The following PDE4A variants were observed in gnomAD, a reference collection of about 807,000 sequenced individuals.
PDE4A encodes the protein 3',5'-cyclic-AMP phosphodiesterase 4A.
A neutral mutation model predicts 73.9 loss-of-function variants in PDE4A; 21 were observed. The observed-to-expected ratio is 0.28, with a 90% confidence interval of 0.20 to 0.41. The LOEUF (loss-of-function observed/expected upper bound fraction) is 0.41. PDE4A is among the 10% of genes least tolerant of loss of function. PDE4A has a pLI of 1.00. For synonymous variants in PDE4A, 463 were observed against 505.4 expected, an observed-to-expected ratio of 0.92 and a Z score of 1.13; for missense variants, 958 against 1,211.4, an observed-to-expected ratio of 0.79 and a Z score of 3.10.
intron 1 of PDE4A, among the ~76,000 whole-genome samples, chr19:10,438,268 A>G (rs1048649132): frequency 7.9e-5 from 12 of 151,614 alleles, no homozygotes; most frequent in African/African-American, 2.9e-4. Flanking sequence ...ACGCACCACC[A>G]CACCCAGCTA....
intron 13 of PDE4A, 55 bp from the exon 14 acceptor site, chr19:10,463,738 G>A (rs58581831): frequency 6.3e-7 from 1 of 1,599,642 alleles, no homozygotes; most frequent in South Asian, 1.1e-5. Context: ...TGAGGTCTCA[G>A]ACTGGGACAC....
upstream of PDE4A, chr19:10,416,912 C>T: frequency 6.5e-7 from 1 of 1,537,686 alleles, no homozygotes; most frequent in Non-Finnish European, 8.7e-7. Context: ...ACATGGCCAC[C>T]GCAGTCCCAA....
intron 1 of PDE4A, chr19:10,432,468 C>T (rs1396595562): frequency 9.4e-6 from 14 of 1,494,540 alleles, no homozygotes; most frequent in Admixed American, 2.4e-5. Flanking sequence ...GGCCCGGCCC[C>T]GGCCCCCTGC....
intron 2 of PDE4A, among the ~76,000 whole-genome samples, chr19:10,447,659 C>T (rs2043028599): frequency 6.6e-6 from 1 of 152,018 alleles, no homozygotes; most frequent in African/African-American, 2.4e-5. Flanking sequence ...ATGAGCCACC[C>T]TGCCCGCCCT....
rs1431754447 is a variant in PDE4A, at chr19:10,466,946, C to T, written c.1986C>T (p.His662=). 8.7e-6 allele frequency: 14 copies of T among 1,614,156 alleles called. No homozygotes were observed. Among genetic ancestry groups the T allele is most frequent in the Non-Finnish European group, 1.2e-5 (14 of 1,180,028 alleles). The part of the protein sequence containing the change: ...PLWETWADLV[H]PDAQEILDTL... ...GGGAGACCTGGGCGGACCTTGTCCA[C>T]CCAGATGCCCAGGAGATCTTGGACA... Residue 662 remains histidine (H), a synonymous_variant, in exon 15 of 15, where the codon CAC becomes CAT. Coordinates refer to ENST00000380702, the MANE Select transcript of PDE4A (RefSeq NM_001111307.2).
chr19:10,459,599 G>A lies in PDE4A; in HGVS notation c.1205G>A (p.Arg402Gln), dbSNP rs201529049. The change falls in exon 10 of 15, where the codon CGG becomes CAG. Residue 402 changes from arginine (R) to glutamine (Q), a missense_variant. Arg to Gln is a conservative substitution (Grantham distance 43). Around this residue, in one of 3 missense-constraint regions of PDE4A, gnomAD observed 570 missense variants for 827.7 expected, o/e 0.69. Transcript: ENST00000380702. Reference sequence around the variant, plus strand: ...CCTGCCCCTGCCTGCTCTCAGGAGCGGGACCTGCTGAAGAAATTCCGCATC... The same window carrying A: ...CCTGCCCCTGCCTGCTCTCAGGAGCAGGACCTGCTGAAGAAATTCCGCATC... ...TCIMYMIFQE[R>Q]DLLKKFRIPV... 45 of 1,613,802 alleles carry A rather than the reference G, an allele frequency of 2.8e-5. No homozygotes were observed. Among genetic ancestry groups the A allele is most frequent in the African/African-American group, 4.0e-5 (3 of 74,928 alleles).
At position 10,450,645 on chromosome 19, in the gene PDE4A, G is replaced by C. The variant is rs767593480; in HGVS notation, c.663G>C (p.Thr221=). 6.2e-7 allele frequency: 1 copy of C among 1,609,290 alleles called. No homozygotes were observed. Among genetic ancestry groups the C allele is most frequent in the African/African-American group, 1.3e-5 (1 of 74,766 alleles). ...LGGPTPVCKA[T]LSEETCQQLA... ...GCCCCACCCCTGTCTGCAAGGCCAC[G>C]CTGTCAGGTAGCTAAGCCCAGAGGG... Residue 221 remains threonine, a synonymous_variant, in exon 5 of 15, where the codon ACG becomes ACC. Transcript: ENST00000380702.
Position 10,446,371 on chromosome 19 carries a change from C to T in PDE4A, c.474C>T (p.Pro158=). ...CAGACAGCGACTATGACATGTCACC[C>T]AAGACCATGTCCCGGAACTCATCGG... ...YRSDSDYDMS[P]KTMSRNSSVT... is the part of the protein sequence containing the mutation. Residue 158 remains proline, a synonymous_variant, in exon 2 of 15, where the codon CCC becomes CCT. Transcript: ENST00000380702. 6.2e-7 allele frequency: 1 copy of T among 1,613,594 alleles called. No individual in the cohort carries two copies. Among genetic ancestry groups the T allele is most frequent in the Non-Finnish European group, 8.5e-7 (1 of 1,179,536 alleles).
chr19:10,465,764 G>A (rs1311787839), intron 14 of PDE4A, among the ~76,000 whole-genome samples: 8 of 116,240 alleles, frequency 6.9e-5, no homozygotes, highest in Admixed American at 1.1e-4. Context: ...GCAATGGCGC[G>A]ATCTTGGCTC....
intron 1 of PDE4A, chr19:10,427,651 G>A (rs1406744684): frequency 3.1e-6 from 3 of 981,736 alleles, no homozygotes; most frequent in Non-Finnish European, 3.6e-6. Context: ...AAGCCAGACA[G>A]CTGGGTCCAT....
chr19:10,450,668 G>A lies in PDE4A; in HGVS notation c.670+16G>A, dbSNP rs201518579. On this transcript the variant is annotated intron_variant, in intron 5 of 14. Coordinates refer to ENST00000380702, the MANE Select transcript of PDE4A (RefSeq NM_001111307.2). Reference sequence around the variant, plus strand: ...ACGCTGTCAGGTAGCTAAGCCCAGAGGGGTGGGAAGGGGCCCCCCTTGCTG... The same window carrying A: ...ACGCTGTCAGGTAGCTAAGCCCAGAAGGGTGGGAAGGGGCCCCCCTTGCTG... 186 of 1,601,396 alleles carry A rather than the reference G, an allele frequency of 1.2e-4. No individual in the cohort carries two copies. The highest frequency in any genetic ancestry group is 1.6e-4 in the Non-Finnish European group (184 of 1,174,926).
Position 10,461,584 on chromosome 19 carries a change from C to T in PDE4A, c.1524C>T (p.Ala508=). The change falls in exon 12 of 15, where the codon GCC becomes GCT. Residue 508 remains alanine (A), a synonymous_variant. Coordinates refer to ENST00000380702, the MANE Select transcript of PDE4A (RefSeq NM_001111307.2). ...DESVLENHHL[A]VGFKLLQEDN... ...CGGTGCTCGAGAATCACCACCTGGC[C>T]GTGGGCTTCAAGCTGCTGCAGGAGG... The T allele has an allele frequency of 6.2e-7, 1 of 1,603,726 alleles. No homozygotes were observed. The highest frequency in any genetic ancestry group is 8.5e-7 in the Non-Finnish European group (1 of 1,173,788).
chr19:10,454,522 G>A (rs566257806), intron 6 of PDE4A, among the ~76,000 whole-genome samples: 86 of 152,322 alleles, frequency 5.6e-4, no homozygotes, highest in Non-Finnish European at 1.1e-3. Context: ...TGTTAGGCAG[G>A]AGCCCCTCCC....
chr19:10,417,923 G>A (rs915741503), upstream of PDE4A: 13 of 1,501,052 alleles, frequency 8.7e-6, no homozygotes, highest in Non-Finnish European at 1.2e-5. Context: ...TGCCAACTGG[G>A]CTAGGTCCAG....
At chr19:10,454,778 C>A in intron 6 of PDE4A, 51 bp from the exon 7 acceptor site, 1 of 1,611,974 alleles carries the variant, frequency 6.2e-7, no homozygotes, top group South Asian at 1.1e-5. Flanking sequence ...ACACCCTCCT[C>A]ACCACTGTGC....
chr19:10,453,470 G>A lies in PDE4A; in HGVS notation c.784-1359G>A, dbSNP rs561592039. ...CTCTGTGTGTGGCCCAGGGCTGGGC[G>A]TGGATGGCGGGCAGCTGGGGGTGTG... is the stretch of plus-strand genomic sequence containing the variant. On this transcript the variant is annotated intron_variant, in intron 6 of 14. Coordinates refer to ENST00000380702, the MANE Select transcript of PDE4A (RefSeq NM_001111307.2). The surrounding 1 kb of genome is among the most constrained non-coding windows in gnomAD (Gnocchi z 4.6). 3.4e-5 allele frequency: 37 copies of A among 1,078,280 alleles called. No individual in the cohort carries two copies. The highest frequency in any genetic ancestry group is 1.9e-4 in the African/African-American group (12 of 61,952). 66.8% of individuals were successfully genotyped at this position (1,078,280 alleles called of 1,614,324 possible). A position where few individuals can be genotyped will look rare whatever the true frequency, so the allele number is the denominator to read the frequency against.
At chr19:10,417,443 G>A (rs987275856), upstream of PDE4A, 115 of 984,010 alleles carry the variant, frequency 1.2e-4, no homozygotes, top group Non-Finnish European at 1.3e-4. Flanking sequence ...ATCGAGAGGG[G>A]ACCCCACAAA....
chr19:10,461,169 G>T, intron 11 of PDE4A, 66 bp downstream of exon 11: 1 of 1,547,304 alleles, frequency 6.5e-7, no homozygotes, highest in Non-Finnish European at 8.8e-7. Flanking sequence ...GCTGGGGGCG[G>T]AACTAACTAG....
intron 1 of PDE4A, among the ~76,000 whole-genome samples, chr19:10,425,984 CAAAAAAAAAAAAAA>C (rs1168197109): frequency 2.3e-4 from 11 of 48,390 alleles, no homozygotes; most frequent in East Asian, 7.2e-4. Context: ...GAGACCCTGT[CAAAAAAAAAAAAAA>C]AAAAAAAAAA....
Sources: allele counts gnomAD v4.1 joint callset (sites outside exome capture counted in the v4.1 genomes callset), GRCh38; gene constraint gnomAD v4.1.1; regional missense constraint gnomAD v4.1.1; non-coding constraint Gnocchi (gnomAD v3.1); transcripts MANE v1.5; gene names NCBI Gene and HGNC (gene_info 2026-07-23, HGNC 2026-07-21).